HINFP: variants seen among roughly 807,000 people sequenced by gnomAD.
HINFP encodes MBD2 (methyl-CpG-binding protein)-interacting zinc finger protein.
HINFP carries 20 observed loss-of-function variants against 50.1 expected under a neutral mutation model. The observed-to-expected ratio is 0.40, with a 90% CI of 0.28 to 0.58. HINFP has a LOEUF of 0.58. Among genes scored for constraint, HINFP ranks in the 20% least tolerant of loss-of-function variants. The probability of loss-of-function intolerance (pLI) is 0.45; values close to 1 mark genes in which losing one functional copy is unlikely to be tolerated. For synonymous variants in HINFP, 247 were observed against 243.7 expected (o/e 1.01, Z -0.13); for missense variants, 505 against 664.1 (o/e 0.76, Z 2.63).
At chr11:119,122,795 A>G (rs573788741) in intron 1 of HINFP, among the ~76,000 whole-genome samples, 54 of 152,242 alleles carry the variant, frequency 3.5e-4, no homozygotes, top group African/African-American at 1.3e-3. Flanking sequence ...GGGTCATCAA[A>G]GAGAAGACTT....
At chr11:119,127,224 G>A in intron 2 of HINFP, 99 bp downstream of exon 2, 1 of 979,262 alleles carries the variant, frequency 1.0e-6, no homozygotes, top group Non-Finnish European at 1.4e-6. Flanking sequence ...GAGAATGGTG[G>A]TTTATTTTCC....
At chr11:119,132,434 T>G (rs1022984774) in intron 5 of HINFP, 62 bp from the exon 6 acceptor site, 2 of 1,564,350 alleles carry the variant, frequency 1.3e-6, no homozygotes, top group Non-Finnish European at 1.8e-6. Flanking sequence ...GGTTCCCCTC[T>G]CCTTTCTGTG....
rs1305090335 is a variant in HINFP, at chr11:119,134,236, CAG to C, written c.1293_1294del (p.Val432AlafsTer7). The C allele has an allele frequency of 1.2e-6, 2 of 1,614,208 alleles. No individual in the cohort carries two copies. Among genetic ancestry groups the C allele is most frequent in the Non-Finnish European group, 1.7e-6 (2 of 1,180,026 alleles). ...AGCCTGCAGGGCATTATTCTAGAAACAGTGCCAGGGGAGCCAGGACGTAAGGA... is the reference window on the plus strand; with the variant it reads ...AGCCTGCAGGGCATTATTCTAGAAACTGCCAGGGGAGCCAGGACGTAAGGA... On this transcript the variant is annotated frameshift_variant, in exon 10 of 10. Transcript: ENST00000350777. LOFTEE classifies it low-confidence loss of function (END_TRUNC). The surrounding 1 kb of genome is among the most constrained non-coding windows in gnomAD (Gnocchi z 4.3).
chr11:119,127,857 A>ATT (rs1019976154), intron 2 of HINFP, among the ~76,000 whole-genome samples: 20 of 137,544 alleles, frequency 1.5e-4, no homozygotes, highest in Non-Finnish European at 1.7e-4. Context: ...CCACCTTCCA[A>ATT]TTTTTTTTTT....
chr11:119,122,365 C>T (rs184099797), intron 1 of HINFP, among the ~76,000 whole-genome samples: 10 of 152,276 alleles, frequency 6.6e-5, no homozygotes, highest in African/African-American at 1.9e-4. Flanking sequence ...TATTTGTGCT[C>T]GGCACAGTGT....
intron 2 of HINFP, among the ~76,000 whole-genome samples, chr11:119,129,446 A>G (rs1320735845): frequency 1.3e-5 from 2 of 150,916 alleles, no homozygotes; most frequent in Admixed American, 6.6e-5. Flanking sequence ...AGCTGGGACT[A>G]TAAGCATAAG....
rs1393329189 is a variant in HINFP at position 119,132,999 on chromosome 11, T to C, written c.1011T>C (p.His337=). The C allele has an allele frequency of 1.9e-6, 3 of 1,614,216 alleles. No individual in the cohort carries two copies. The highest frequency in any genetic ancestry group is 2.2e-5 in the South Asian group (2 of 91,086). ...CSIKSHYRKV[H]EGDSEPRYKC... is the part of the protein sequence containing the mutation. ...TCAAGTCCCATTACCGCAAAGTACA[T>C]GAAGTGAGTGGGGCTGGTGTTGGGA... The change falls in exon 8 of 10, where the codon CAT becomes CAC. Residue 337 remains histidine (H), a synonymous_variant. Transcript: ENST00000350777.
chr11:119,124,864 C>T (rs1051178476), intron 1 of HINFP: 2 of 151,910 alleles, frequency 1.3e-5, no homozygotes, highest in African/African-American at 4.8e-5. Context: ...CCCAGCTACT[C>T]AGGAGGCTGA....
chr11:119,122,807 G>A (rs1947144027), intron 1 of HINFP, among the ~76,000 whole-genome samples: 1 of 152,128 alleles, frequency 6.6e-6, no homozygotes, highest in Admixed American at 6.5e-5. Context: ...AGAAGACTTT[G>A]GGGTTTGAAA....
chr11:119,128,079 C>G (rs1025198228), intron 2 of HINFP, among the ~76,000 whole-genome samples: 3 of 152,098 alleles, frequency 2.0e-5, no homozygotes, highest in African/African-American at 7.2e-5. Context: ...GTCTCAATCT[C>G]TTGATCTCAT....
Position 119,127,087 on chromosome 11 carries a change from GGGA to G in HINFP, c.153_155del (p.Glu56del), listed in dbSNP as rs769739800. On this transcript the variant is annotated inframe_deletion, in exon 2 of 10. Coordinates refer to ENST00000350777, the MANE Select transcript of HINFP (RefSeq NM_198971.3). ...CTGCAGCAGCACCTGCATGGCTCTG[GGGA>G]GGAGGAGGAAGAGGAAGAGGAGGAT... The G allele has an allele frequency of 3.1e-6, 5 of 1,613,392 alleles. No individual in the cohort carries two copies. In the African/African-American group the frequency reaches 6.7e-5, roughly 22 times the overall value.
chr11:119,123,754 C>G (rs1199824298), intron 1 of HINFP: 1 of 134,882 alleles, frequency 7.4e-6, no homozygotes, highest in Non-Finnish European at 1.5e-5. Flanking sequence ...TGCTCTGTCA[C>G]TAGGCTGGAG....
chr11:119,134,607 C>T lies in HINFP; in HGVS notation c.*109C>T. ...CCAATGGATGCCTTTAGGAGTGGTGCCGAGAGCAGTGTGGTCCACTCTGGC... is the reference window on the plus strand; with the variant it reads ...CCAATGGATGCCTTTAGGAGTGGTGTCGAGAGCAGTGTGGTCCACTCTGGC... On this transcript the variant is annotated 3_prime_UTR_variant, in exon 10 of 10. Transcript: ENST00000350777. This position sits in a 1 kb window ranked among gnomAD's most constrained non-coding sequence, Gnocchi z 4.3. The T allele has an allele frequency of 1.2e-6, 1 of 821,466 alleles. No homozygotes were observed. Among genetic ancestry groups the T allele is most frequent in the Non-Finnish European group, 1.9e-6 (1 of 537,426 alleles). 50.9% of individuals were successfully genotyped at this position (821,466 alleles called of 1,614,324 possible). A position where few individuals can be genotyped will look rare whatever the true frequency, so the allele number is the denominator to read the frequency against.
chr11:119,131,438 C>A lies in HINFP; in HGVS notation c.412-97C>A. ...TTTCCTCAAAATTTCCCATCCCCATCAAGTTAATTTGGGAGAGAGCCAAGA... is the reference window on the plus strand; with the variant it reads ...TTTCCTCAAAATTTCCCATCCCCATAAAGTTAATTTGGGAGAGAGCCAAGA... On this transcript the variant is annotated intron_variant, in intron 3 of 9. Transcript: ENST00000350777. The surrounding 1 kb of genome is among the most constrained non-coding windows in gnomAD (Gnocchi z 4.2). 1 of 860,856 alleles carries A rather than the reference C, an allele frequency of 1.2e-6. No homozygotes were observed. Among genetic ancestry groups the A allele is most frequent in the Non-Finnish European group, 2.0e-6 (1 of 500,764 alleles). The allele number at this position is 860,856 out of a possible 1,614,324, so 53.3% of individuals were successfully genotyped here.
At chr11:119,128,830 C>G (rs1947573801) in intron 2 of HINFP, among the ~76,000 whole-genome samples, 1 of 151,934 alleles carries the variant, frequency 6.6e-6, no homozygotes, top group Non-Finnish European at 1.5e-5. Context: ...TCCCGAGTAG[C>G]TGGGATTACA....
At position 119,131,385 on chromosome 11, in the gene HINFP, G is replaced by A. The variant is rs370594960; in HGVS notation, c.412-150G>A. 23 of 657,392 alleles carry A rather than the reference G, an allele frequency of 3.5e-5. No homozygotes were observed. Among genetic ancestry groups the A allele is most frequent in the East Asian group, 3.3e-4 (12 of 36,316 alleles). The allele number at this position is 657,392 out of a possible 1,614,324, so 40.7% of individuals were successfully genotyped here. A position where few individuals can be genotyped will look rare whatever the true frequency, so the allele number is the denominator to read the frequency against. On this transcript the variant is annotated intron_variant, in intron 3 of 9. Transcript: ENST00000350777. This position sits in a 1 kb window ranked among gnomAD's most constrained non-coding sequence, Gnocchi z 4.2. ...ATTACAGGGTTTAGCAACCGCACCC[G>A]GCCACTCCTCCATTTCTGTGCAGTG...
chr11:119,134,712 G>A lies in HINFP; in HGVS notation c.*214G>A. ...ATTTTGTGGGGAGCCTGAGGACTCTGGATTCTTTGAGGGGATCCTGGATGT... is the reference window on the plus strand; with the variant it reads ...ATTTTGTGGGGAGCCTGAGGACTCTAGATTCTTTGAGGGGATCCTGGATGT... On this transcript the variant is annotated 3_prime_UTR_variant, in exon 10 of 10. Transcript: ENST00000350777. The surrounding 1 kb of genome is among the most constrained non-coding windows in gnomAD (Gnocchi z 4.3). 1 of 503,404 alleles carries A rather than the reference G, an allele frequency of 2.0e-6. No homozygotes were observed. Among genetic ancestry groups the A allele is most frequent in the Non-Finnish European group, 3.5e-6 (1 of 283,848 alleles). The allele number at this position is 503,404 out of a possible 1,614,324, so 31.2% of individuals were successfully genotyped here.
chr11:119,127,288 C>T, intron 2 of HINFP, 163 bp downstream of exon 2: 1 of 572,938 alleles, frequency 1.7e-6, no homozygotes, highest in South Asian at 2.9e-5. Flanking sequence ...ATAGAAAACT[C>T]AGTCAACAAG....
At chr11:119,124,143 CTAG>C (rs1292421981) in intron 1 of HINFP, 1 of 152,110 alleles carries the variant, frequency 6.6e-6, no homozygotes, top group Non-Finnish European at 1.5e-5. Context: ...TAGGGATTCA[CTAG>C]TAGTCTGTGA....
Sources: allele counts gnomAD v4.1 joint callset (sites outside exome capture counted in the v4.1 genomes callset), GRCh38; gene constraint gnomAD v4.1.1; non-coding constraint Gnocchi (gnomAD v3.1); transcripts MANE v1.5; gene names NCBI Gene and HGNC (gene_info 2026-07-23, HGNC 2026-07-21).